Variants in NAALADL2 observed in about 807,000 individuals in gnomAD.
The protein encoded by NAALADL2 is inactive N-acetylated-alpha-linked acidic dipeptidase-like protein 2.
A neutral mutation model predicts 87.2 loss-of-function variants in NAALADL2; 76 were observed. The observed-to-expected ratio is 0.87, with a 90% CI of 0.72 to 1.05. The LOEUF (loss-of-function observed/expected upper bound fraction) is 1.05. NAALADL2 is among the 50% of genes least tolerant of loss of function. NAALADL2 has a pLI of 0.00. For synonymous variants in NAALADL2, 354 were observed against 331.0 expected, an observed-to-expected ratio of 1.07 and a Z score of -0.75; for missense variants, 1,089 against 945.8, an observed-to-expected ratio of 1.15 and a Z score of -1.99.
chr3:175,037,393 G>C (rs1753549686), intron 1 of NAALADL2, among the ~76,000 whole-genome samples: 1 of 152,058 alleles, frequency 6.6e-6, no homozygotes, highest in African/African-American at 2.4e-5. Flanking sequence ...ATGAGAAATT[G>C]CCTCATGACA....
intron 2 of NAALADL2, among the ~76,000 whole-genome samples, chr3:174,573,545 C>G (rs1156654314): frequency 6.6e-6 from 1 of 152,144 alleles, no homozygotes; most frequent in Non-Finnish European, 1.5e-5. Context: ...GTTTATTCGA[C>G]TCATGGTTCT....
chr3:174,718,407 T>C (rs1179145667), intron 2 of NAALADL2, among the ~76,000 whole-genome samples: 2 of 152,160 alleles, frequency 1.3e-5, no homozygotes, highest in Non-Finnish European at 2.9e-5. Flanking sequence ...AATGAAATCA[T>C]AGACAGGTAG....
At chr3:175,273,294 T>TA (rs1753122710) in intron 4 of NAALADL2, among the ~76,000 whole-genome samples, 1 of 152,134 alleles carries the variant, frequency 6.6e-6, no homozygotes, top group Non-Finnish European at 1.5e-5. Flanking sequence ...CACATATGCC[T>TA]ACAGACATGA....
chr3:174,753,246 T>A (rs977361109), intron 3 of NAALADL2, among the ~76,000 whole-genome samples: 2 of 152,192 alleles, frequency 1.3e-5, no homozygotes, highest in Non-Finnish European at 2.9e-5. Context: ...GCTAATTTTT[T>A]TGTATTTTTA....
In NAALADL2 at chr3:175,520,282, ATTTTTT is replaced by A. The variant is rs35580351; in HGVS notation, c.1653+48546_1653+48551del. Among the ~76,000 whole-genome samples the A allele has an allele frequency of 9.1e-4, 71 of 78,162 alleles. No homozygotes were observed. In the Admixed American group the frequency reaches 9.1e-3, roughly 10 times the overall value. The allele number at this position is 78,162 out of a possible 152,430, so 51.3% of individuals were successfully genotyped here. On this transcript the variant is annotated intron_variant, in intron 9 of 13. Transcript: ENST00000454872. ...ATTTGCATAAATTCTAAAGAATGCA[ATTTTTT>A]TTTTTTTTTTTTTTTTTTTTTGAGA... is the stretch of plus-strand genomic sequence containing the variant.
In NAALADL2 at chr3:175,190,757, A is replaced by G. The variant is rs1738029199; in HGVS notation, c.546-43174A>G. On this transcript the variant is annotated intron_variant, in intron 2 of 13. Transcript: ENST00000454872. ...TTTGGGAGGCCTAGGCAGGTGGATCACGAGGTCAGGAGATCGAGACCATCC... is the reference window on the plus strand; with the variant it reads ...TTTGGGAGGCCTAGGCAGGTGGATCGCGAGGTCAGGAGATCGAGACCATCC... Among the ~76,000 whole-genome samples, 2 of 152,104 alleles carry G rather than the reference A, an allele frequency of 1.3e-5. 1 individual carries two copies. The highest frequency in any genetic ancestry group is 4.1e-4 in the South Asian group (2 of 4,828).
intron 5 of NAALADL2, among the ~76,000 whole-genome samples, chr3:175,370,367 T>G (rs957162322): frequency 3.3e-5 from 5 of 152,180 alleles, no homozygotes; most frequent in Admixed American, 1.3e-4. Context: ...GAAACTTATT[T>G]TATAAAATAT....
chr3:174,867,423 T>C (rs1159001530), intron 1 of NAALADL2, among the ~76,000 whole-genome samples: 1 of 152,040 alleles, frequency 6.6e-6, no homozygotes, highest in African/African-American at 2.4e-5. Flanking sequence ...TTTTTAATTC[T>C]TTTAATATGT....
intron 1 of NAALADL2, among the ~76,000 whole-genome samples, chr3:175,055,411 A>T (rs529474356): frequency 6.6e-6 from 1 of 152,220 alleles, no homozygotes; most frequent in African/African-American, 2.4e-5. Context: ...TCCCTCTGGC[A>T]AGGGTCCACA....
chr3:174,888,463 C>T lies in NAALADL2; in HGVS notation c.43+29013C>T, dbSNP rs181961716. Among the ~76,000 whole-genome samples the T allele has an allele frequency of 9.1e-4, 138 of 152,284 alleles. 1 individual carries two copies. The highest frequency in any genetic ancestry group is 3.0e-3 in the African/African-American group (126 of 41,556). On this transcript the variant is annotated intron_variant, in intron 1 of 13. Transcript: ENST00000454872. ...CAGCTGAAATAATAGGCTCACTTCA[C>T]GCAAAGTTGATCAAATACTTTCCAT...
intron 1 of NAALADL2, among the ~76,000 whole-genome samples, chr3:174,862,234 T>C (rs1408242098): frequency 6.6e-6 from 1 of 152,056 alleles, no homozygotes; most frequent in East Asian, 1.9e-4. Flanking sequence ...TCATTTTTCT[T>C]GCATAATGCC....
At chr3:175,323,697 T>A (rs570430583) in intron 4 of NAALADL2, among the ~76,000 whole-genome samples, 1 of 149,998 alleles carries the variant, frequency 6.7e-6, no homozygotes, top group Non-Finnish European at 1.5e-5. Flanking sequence ...CTTCTGGGCT[T>A]GATAGAAATC....
At chr3:175,128,506 G>A (rs1184015521) in intron 2 of NAALADL2, among the ~76,000 whole-genome samples, 3 of 152,054 alleles carry the variant, frequency 2.0e-5, no homozygotes, top group Non-Finnish European at 4.4e-5. Context: ...GGCCTGCTGA[G>A]ATTTCATTTA....
At chr3:174,787,599 A>ACATATATATATATATACAC (rs1553855294) in intron 3 of NAALADL2, among the ~76,000 whole-genome samples, 1 of 67,882 alleles carries the variant, frequency 1.5e-5, no homozygotes, top group African/African-American at 5.2e-5. Context: ...ATATATATAT[A>ACATATATATATATATACAC]TATATATATA....
chr3:175,058,405 T>C (rs1712693762), intron 1 of NAALADL2, among the ~76,000 whole-genome samples: 1 of 152,160 alleles, frequency 6.6e-6, no homozygotes, highest in Non-Finnish European at 1.5e-5. Flanking sequence ...TATTAATATA[T>C]TAGTAACTCA....
chr3:175,689,587 G>A (rs536465474), intron 11 of NAALADL2, among the ~76,000 whole-genome samples: 50 of 152,262 alleles, frequency 3.3e-4, no homozygotes, highest in South Asian at 8.3e-4. Flanking sequence ...GGTAAATGTA[G>A]TAGTATTCCT....
intron 4 of NAALADL2, among the ~76,000 whole-genome samples, chr3:175,295,711 GCACACAAA>G (rs1291099312): frequency 4.3e-5 from 2 of 46,488 alleles, no homozygotes; most frequent in South Asian, 7.4e-4. Context: ...TGATACACAT[GCACACAAA>G]CACACACACA....
At chr3:175,039,784 A>G (rs1199557524) in intron 1 of NAALADL2, among the ~76,000 whole-genome samples, 1 of 152,144 alleles carries the variant, frequency 6.6e-6, no homozygotes, top group African/African-American at 2.4e-5. Flanking sequence ...GGAAAGCCAT[A>G]TTCCATTTTT....
chr3:175,625,949 G>A (rs904563292), intron 10 of NAALADL2, among the ~76,000 whole-genome samples: 1 of 151,920 alleles, frequency 6.6e-6, no homozygotes, highest in Non-Finnish European at 1.5e-5. Context: ...CATTGATTTT[G>A]TTCATTTAAT....
Sources: allele counts gnomAD v4.1 joint callset (sites outside exome capture counted in the v4.1 genomes callset), GRCh38; gene constraint gnomAD v4.1.1; transcripts MANE v1.5; gene names NCBI Gene and HGNC (gene_info 2026-07-23, HGNC 2026-07-21).